The following MED27 variants were observed in gnomAD, a reference collection of about 807,000 sequenced individuals.
MED27 encodes the protein mediator complex subunit 27.
In MED27, 30 loss-of-function variants were observed where a neutral mutation model predicts 38.2. The ratio of observed to expected loss-of-function variants is 0.79; its 90% CI spans 0.59 to 1.07. MED27 has a LOEUF of 1.07. MED27 is among the 50% of genes least tolerant of loss of function. MED27 has a pLI of 0.00. For missense variants in MED27, 289 were observed against 397.5 expected (o/e 0.73, Z 2.32); for synonymous variants, 122 against 153.5 (o/e 0.79, Z 1.52).
Position 131,916,042 on chromosome 9 carries a change from A to G in MED27, c.574-22050T>C, listed in dbSNP as rs146628998. On this transcript the variant is annotated intron_variant, in intron 4 of 7. Coordinates refer to ENST00000292035, the MANE Select transcript of MED27 (RefSeq NM_004269.4). Reference sequence around the variant, plus strand: ...ATTTATATAATCAATAATACCATAGACCATATTAGTGTAAATGCATACTAA... The same window carrying G: ...ATTTATATAATCAATAATACCATAGGCCATATTAGTGTAAATGCATACTAA... Among the ~76,000 whole-genome samples the G allele has an allele frequency of 5.6e-3, 850 of 152,344 alleles. 5 individuals are homozygous for G. The highest frequency in any genetic ancestry group is 9.7e-3 in the Admixed American group (148 of 15,310).
intron 3 of MED27, among the ~76,000 whole-genome samples, chr9:131,971,043 CA>C (rs1831465018): frequency 6.6e-6 from 1 of 152,100 alleles, no homozygotes; most frequent in African/African-American, 2.4e-5. Flanking sequence ...TGACATGACA[CA>C]AGGGATTTGC....
chr9:131,973,864 C>T (rs1341788667), intron 3 of MED27, among the ~76,000 whole-genome samples: 7 of 151,356 alleles, frequency 4.6e-5, no homozygotes, highest in East Asian at 1.9e-4. Context: ...GCCGCCACCA[C>T]GCGCGGCTGA....
intron 6 of MED27, among the ~76,000 whole-genome samples, chr9:131,865,642 C>T (rs997760315): frequency 2.6e-5 from 4 of 152,320 alleles, no homozygotes; most frequent in Admixed American, 6.5e-5. Context: ...TCCGTAGCTC[C>T]GTGTGTGACA....
intron 2 of MED27, among the ~76,000 whole-genome samples, chr9:132,027,916 T>C (rs1417993588): frequency 6.6e-6 from 1 of 152,140 alleles, no homozygotes; most frequent in African/African-American, 2.4e-5. Context: ...AGGGTGAGTG[T>C]ACTGGGCACA....
At chr9:131,949,070 C>T (rs527440320) in intron 3 of MED27, among the ~76,000 whole-genome samples, 2 of 152,272 alleles carry the variant, frequency 1.3e-5, no homozygotes, top group South Asian at 2.1e-4. Context: ...AACTAGAACA[C>T]GTGACAAATA....
At chr9:131,891,237 G>C (rs1454855175) in intron 5 of MED27, among the ~76,000 whole-genome samples, 1 of 152,116 alleles carries the variant, frequency 6.6e-6, no homozygotes, top group East Asian at 1.9e-4. Context: ...GAAAGAGTCT[G>C]GCATGTCATG....
At chr9:131,970,409 G>A (rs549421940) in intron 3 of MED27, among the ~76,000 whole-genome samples, 43 of 152,320 alleles carry the variant, frequency 2.8e-4, no homozygotes, top group Admixed American at 1.6e-3. Context: ...CCAGGAGGCC[G>A]CCCTGGCTAC....
chr9:131,997,094 AT>A lies in MED27; in HGVS notation c.479+17242del, dbSNP rs1392665063. ...TAACAGTGGGTATTCATTGTAAAAAATAAAATTAAAATTAAAAGCCAAGTTT... is the reference window on the plus strand; with the variant it reads ...TAACAGTGGGTATTCATTGTAAAAAAAAAATTAAAATTAAAAGCCAAGTTT... On this transcript the variant is annotated intron_variant, in intron 3 of 7. Transcript: ENST00000292035. The surrounding 1 kb of genome is among the most constrained non-coding windows in gnomAD (Gnocchi z 4.0). Among the ~76,000 whole-genome samples, 8 of 152,214 alleles carry A rather than the reference AT, an allele frequency of 5.3e-5. No individual in the cohort carries two copies. Among genetic ancestry groups the A allele is most frequent in the Admixed American group, 3.9e-4 (6 of 15,280 alleles).
At position 132,073,675 on chromosome 9, in the gene MED27, A is replaced by G. The variant is rs770994176; in HGVS notation, c.348+3767T>C. 27 of 1,509,606 alleles carry G rather than the reference A, an allele frequency of 1.8e-5. 1 individual carries two copies. In the South Asian group the frequency reaches 2.4e-4, roughly 13 times the overall value. The allele number at this position is 1,509,606 out of a possible 1,614,324, so 93.5% of individuals were successfully genotyped here. On this transcript the variant is annotated intron_variant, in intron 2 of 7. Coordinates refer to ENST00000292035, the MANE Select transcript of MED27 (RefSeq NM_004269.4). ...TGGATTCTAATAAGAACAGTTCAGG[A>G]GGGCAGGAGGGAGGAAATGTCTTCA...
intron 3 of MED27, among the ~76,000 whole-genome samples, chr9:131,979,313 G>A (rs1564309774): frequency 1.3e-5 from 2 of 152,068 alleles, no homozygotes; most frequent in Non-Finnish European, 2.9e-5. Context: ...AATGAAATCA[G>A]GTAAGATCCA....
chr9:132,079,791 A>G lies in MED27; in HGVS notation c.54T>C (p.Ile18=), dbSNP rs2131179613. Reference sequence around the variant, plus strand: ...TGGAGCGCAGCGCCTGGATGGCACTAATGGCCTGGGAAAAGGCCTCCAGGT... The same window carrying G: ...TGGAGCGCAGCGCCTGGATGGCACTGATGGCCTGGGAAAAGGCCTCCAGGT... ...SVNLEAFSQA[I]SAIQALRSSV... is the part of the protein sequence containing the mutation. The change falls in exon 1 of 8, where the codon ATT becomes ATC. Residue 18 remains isoleucine (I), a synonymous_variant. Coordinates refer to ENST00000292035, the MANE Select transcript of MED27 (RefSeq NM_004269.4). 6.2e-7 allele frequency: 1 copy of G among 1,613,968 alleles called. No homozygotes were observed. The highest frequency in any genetic ancestry group is 2.2e-5 in the East Asian group (1 of 44,854).
At chr9:131,906,792 T>C (rs1209758461) in intron 4 of MED27, among the ~76,000 whole-genome samples, 1 of 152,184 alleles carries the variant, frequency 6.6e-6, no homozygotes, top group Admixed American at 6.5e-5. Flanking sequence ...AAAAAAAGAA[T>C]GGCTACTCCA....
chr9:131,967,818 A>AT (rs144420414), intron 3 of MED27, among the ~76,000 whole-genome samples: 33,037 of 112,888 alleles, frequency 0.29, 4,738 homozygotes, highest in East Asian at 0.39. Context: ...GCCTCTCATG[A>AT]TTTTTTTTTT....
intron 4 of MED27, among the ~76,000 whole-genome samples, chr9:131,923,088 A>G (rs1830426172): frequency 6.6e-6 from 1 of 152,210 alleles, no homozygotes; most frequent in Non-Finnish European, 1.5e-5. Context: ...AGTTGTGCTC[A>G]CTGTTGCTGG....
intron 4 of MED27, among the ~76,000 whole-genome samples, chr9:131,931,943 C>T (rs751321247): frequency 2.0e-5 from 3 of 152,054 alleles, no homozygotes; most frequent in Non-Finnish European, 4.4e-5. Flanking sequence ...ATCTTCCAGA[C>T]AGAAAACCAA....
chr9:132,000,689 G>C (rs1260319958), intron 3 of MED27, among the ~76,000 whole-genome samples: 1 of 151,920 alleles, frequency 6.6e-6, no homozygotes, highest in Non-Finnish European at 1.5e-5. Context: ...ATTGATACAT[G>C]CAACAATATG....
chr9:131,937,521 C>A (rs1044175229), intron 4 of MED27, among the ~76,000 whole-genome samples: 1 of 152,148 alleles, frequency 6.6e-6, no homozygotes, highest in Non-Finnish European at 1.5e-5. Context: ...CAGGCGAGGT[C>A]GACCATCACT....
intron 2 of MED27, among the ~76,000 whole-genome samples, chr9:132,018,830 C>T (rs1458929877): frequency 1.3e-5 from 2 of 152,152 alleles, no homozygotes; most frequent in Non-Finnish European, 2.9e-5. Context: ...ATCACTATTC[C>T]TTTCTCAAGA....
chr9:132,023,424 C>A (rs1283984019), intron 2 of MED27, among the ~76,000 whole-genome samples: 1 of 152,198 alleles, frequency 6.6e-6, no homozygotes, highest in Admixed American at 6.5e-5. Flanking sequence ...AAAGGGATGG[C>A]TTCTCAGAAG....
Sources: allele counts gnomAD v4.1 joint callset (sites outside exome capture counted in the v4.1 genomes callset), GRCh38; gene constraint gnomAD v4.1.1; non-coding constraint Gnocchi (gnomAD v3.1); transcripts MANE v1.5; gene names NCBI Gene and HGNC (gene_info 2026-07-23, HGNC 2026-07-21).